PRSS57: variants seen among roughly 807,000 people sequenced by gnomAD.
The protein encoded by PRSS57 is neutrophil serine protease 4.
In PRSS57, 19 loss-of-function variants were observed where a neutral mutation model predicts 20.6. The ratio of observed to expected loss-of-function variants is 0.92; its 90% CI spans 0.64 to 1.35. The LOEUF is 1.35. Ranked by LOEUF, PRSS57 falls within the 40% of genes most tolerant of loss-of-function variation. The pLI, the probability that PRSS57 is intolerant of heterozygous loss-of-function variation, is 0.00. For missense variants in PRSS57, 440 were observed against 403.7 expected, an observed-to-expected ratio of 1.09 and a Z score of -0.77; for synonymous variants, 203 against 176.6, an observed-to-expected ratio of 1.15 and a Z score of -1.19.
chr19:689,032 C>G (rs532076166), intron 3 of PRSS57, among the ~76,000 whole-genome samples: 1 of 152,186 alleles, frequency 6.6e-6, no homozygotes, highest in Non-Finnish European at 1.5e-5. Context: ...AATCCCTGCC[C>G]GTTAGGTTCA....
Position 685,926 on chromosome 19 carries a change from G to C in PRSS57, c.643-4C>G. ...CCAGGGGCCCTCCGGAGTCGGCCTG[G>C]AGTGAAAGGAGAGGTGAGGTCAGGG... On this transcript the variant is annotated splice_polypyrimidine_tract_variant and splice_region_variant and intron_variant, in intron 4 of 4. Transcript: ENST00000329267. The C allele has an allele frequency of 6.5e-7, 1 of 1,534,444 alleles. No individual in the cohort carries two copies. The highest frequency in any genetic ancestry group is 8.8e-7 in the Non-Finnish European group (1 of 1,136,538).
At chr19:695,189 G>A (rs111243759) in intron 1 of PRSS57, among the ~76,000 whole-genome samples, 163 bp downstream of exon 1, 3,499 of 152,230 alleles carry the variant, frequency 0.023, 154 homozygotes, top group African/African-American at 0.08. Flanking sequence ...CAGAGACCCC[G>A]GCCGGATTTC....
chr19:692,279 G>C (rs147231280), intron 2 of PRSS57, among the ~76,000 whole-genome samples: 3,213 of 151,680 alleles, frequency 0.021, 81 homozygotes, highest in African/African-American at 0.059. Context: ...TGAGGCAGGA[G>C]AATTGCTTGA....
At chr19:693,153 G>A (rs935763673) in intron 2 of PRSS57, among the ~76,000 whole-genome samples, 2 of 149,468 alleles carry the variant, frequency 1.3e-5, no homozygotes, top group Admixed American at 6.7e-5. Context: ...GGACAGTCTC[G>A]ATCTCCTGAC....
Position 692,012 on chromosome 19 carries a change from G to C in PRSS57, c.234-10C>G. 2 of 1,312,010 alleles carry C rather than the reference G, an allele frequency of 1.5e-6. No individual in the cohort carries two copies. The highest frequency in any genetic ancestry group is 3.0e-5 in the South Asian group (1 of 33,402). The allele number at this position is 1,312,010 out of a possible 1,614,324, so 81.3% of individuals were successfully genotyped here. A position where few individuals can be genotyped will look rare whatever the true frequency, so the allele number is the denominator to read the frequency against. ...GCCAGTGCGGAGGTCTCTGCAGGGAGGAGGTGGTGGGTGAGACGGGGGTGA... is the reference window on the plus strand; with the variant it reads ...GCCAGTGCGGAGGTCTCTGCAGGGACGAGGTGGTGGGTGAGACGGGGGTGA... On this transcript the variant is annotated splice_polypyrimidine_tract_variant and intron_variant, in intron 2 of 4. Transcript: ENST00000329267.
intron 3 of PRSS57, among the ~76,000 whole-genome samples, chr19:688,154 A>G (rs985901848): frequency 6.6e-6 from 1 of 152,178 alleles, no homozygotes; most frequent in African/African-American, 2.4e-5. Context: ...GACGGCTCCA[A>G]TCCCTGTCTC....
chr19:694,220 G>A (rs1350759841), intron 2 of PRSS57, among the ~76,000 whole-genome samples: 3 of 152,058 alleles, frequency 2.0e-5, no homozygotes, highest in African/African-American at 7.2e-5. Flanking sequence ...TCCTGCAGGA[G>A]GGGACCCACC....
rs974925555 is a variant in PRSS57, at chr19:694,930, C to T, written c.117G>A (p.Val39=). ...CCATGTAGGGCCTGGAGTGGGGGGTCACCTCGTGGCCCCCGATGATCTGGG... is the reference window on the plus strand; with the variant it reads ...CCATGTAGGGCCTGGAGTGGGGGGTTACCTCGTGGCCCCCGATGATCTGGG... The part of the protein sequence containing the change: ...WGAQIIGGHE[V]TPHSRPYMAS... The change falls in exon 2 of 5, where the codon GTG becomes GTA. Residue 39 remains valine, a synonymous_variant. Transcript: ENST00000329267. The T allele has an allele frequency of 6.3e-7, 1 of 1,581,286 alleles. No individual in the cohort carries two copies. Among genetic ancestry groups the T allele is most frequent in the Non-Finnish European group, 8.6e-7 (1 of 1,163,668 alleles).
At chr19:695,019 G>C (rs1057116722) in intron 1 of PRSS57, 52 bp from the exon 2 acceptor site, 2 of 1,468,278 alleles carry the variant, frequency 1.4e-6, no homozygotes, top group Admixed American at 5.1e-5. Context: ...ACGGATGACG[G>C]GGCTGGGGTC....
At chr19:687,666 A>G (rs1416734943) in intron 3 of PRSS57, among the ~76,000 whole-genome samples, 1 of 152,110 alleles carries the variant, frequency 6.6e-6, no homozygotes, top group Non-Finnish European at 1.5e-5. Flanking sequence ...TCAGCCTCCC[A>G]AAGTGCTGGG....
At chr19:689,678 C>T (rs958391050) in intron 3 of PRSS57, among the ~76,000 whole-genome samples, 1 of 152,080 alleles carries the variant, frequency 6.6e-6, no homozygotes, top group African/African-American at 2.4e-5. Context: ...CAGCACTTTG[C>T]GGGGCTGAGG....
chr19:690,795 T>C (rs1794930438), intron 3 of PRSS57: 1 of 346,990 alleles, frequency 2.9e-6, no homozygotes. Context: ...CTCTCCGTTG[T>C]CCCCATGCAC....
Position 694,795 on chromosome 19 carries a change from G to A in PRSS57, c.233+19C>T, listed in dbSNP as rs746307720. On this transcript the variant is annotated intron_variant, in intron 2 of 4. Coordinates refer to ENST00000329267, the MANE Select transcript of PRSS57 (RefSeq NM_001308209.2). ...GGGATACGGTGTCCAGAAAGAAGGG[G>A]CCCGACAGGTGAGCTCACCTGTGGC... is the stretch of plus-strand genomic sequence containing the variant. 1.3e-6 allele frequency: 2 copies of A among 1,599,588 alleles called. No individual in the cohort carries two copies. Among genetic ancestry groups the A allele is most frequent in the African/African-American group, 2.7e-5 (2 of 74,262 alleles).
chr19:695,437 C>T lies in PRSS57; in HGVS notation c.-7G>A, dbSNP rs753831843. 8.8e-6 allele frequency: 11 copies of T among 1,253,460 alleles called. No homozygotes were observed. In the African/African-American group the frequency reaches 1.1e-4, roughly 12 times the overall value. The allele number at this position is 1,253,460 out of a possible 1,614,324, so 77.6% of individuals were successfully genotyped here. On this transcript the variant is annotated 5_prime_UTR_variant, in exon 1 of 5. Coordinates refer to ENST00000329267, the MANE Select transcript of PRSS57 (RefSeq NM_001308209.2). ...CCCTCAACCCGAGCCCCATGGCAGA[C>T]GCAGGCTGGCGTCTCCCCGCAGAGG... is the stretch of plus-strand genomic sequence containing the variant.
At chr19:695,270 C>T (rs866419641) in intron 1 of PRSS57, 82 bp downstream of exon 1, 1 of 646,892 alleles carries the variant, frequency 1.5e-6, no homozygotes, top group Non-Finnish European at 2.2e-6. Context: ...CCAGGGTTCT[C>T]CCGGGACTGG....
chr19:691,504 CAAAAA>C (rs372342945), intron 3 of PRSS57, among the ~76,000 whole-genome samples: 3 of 86,872 alleles, frequency 3.5e-5, no homozygotes, highest in South Asian at 7.3e-4. Flanking sequence ...GACTCTGACT[CAAAAA>C]AAAAAAAAAA....
In PRSS57 at chr19:691,994, C is replaced by T. The variant is rs372754995; in HGVS notation, c.242G>A (p.Arg81His). 14 of 1,321,500 alleles carry T rather than the reference C, an allele frequency of 1.1e-5. No individual in the cohort carries two copies. The highest frequency in any genetic ancestry group is 3.1e-5 in the Admixed American group (1 of 32,036). The allele number at this position is 1,321,500 out of a possible 1,614,324, so 81.9% of individuals were successfully genotyped here. The change falls in exon 3 of 5, where the codon CGC becomes CAC. Residue 81 changes from arginine (R) to histidine (H), a missense_variant. Coordinates refer to ENST00000329267, the MANE Select transcript of PRSS57 (RefSeq NM_001308209.2). The stretch of plus-strand genomic sequence containing the variant: ...GGCGCCCAGCACCACCAGGCCAGTG[C>T]GGAGGTCTCTGCAGGGAGGAGGTGG... ...AAHCFSHRDL[R>H]TGLVVLGAHV...
chr19:695,014 T>A (rs1282464752), intron 1 of PRSS57, 47 bp from the exon 2 acceptor site: 6 of 1,474,018 alleles, frequency 4.1e-6, no homozygotes, highest in Non-Finnish European at 5.4e-6. Context: ...GAGGAACGGA[T>A]GACGGGGCTG....
chr19:694,019 C>A (rs1001180981), intron 2 of PRSS57, among the ~76,000 whole-genome samples: 1 of 152,016 alleles, frequency 6.6e-6, no homozygotes, highest in African/African-American at 2.4e-5. Flanking sequence ...GGATTACAGG[C>A]ATGAGCCACC....
Sources: gnomAD v4.1 joint callset for allele counts (sites outside exome capture counted in the v4.1 genomes callset) on GRCh38, gnomAD v4.1.1 for gene constraint, MANE v1.5 for transcripts, NCBI Gene and HGNC (gene_info 2026-07-23, HGNC 2026-07-21) for gene names.